The following CCDC7 variants were observed in gnomAD, a reference collection of about 807,000 sequenced individuals.
CCDC7 encodes the protein coiled-coil domain-containing protein 7.
CCDC7 carries 183 observed loss-of-function variants against 196.9 expected under a neutral mutation model. The ratio of observed to expected loss-of-function variants is 0.93; its 90% CI spans 0.82 to 1.05. The LOEUF (loss-of-function observed/expected upper bound fraction) is 1.05, where lower values mean the gene tolerates loss of function less well. Among genes scored for constraint, CCDC7 ranks in the 50% least tolerant of loss-of-function variants. The pLI, the probability that CCDC7 is intolerant of heterozygous loss-of-function variation, is 0.00. For synonymous variants in CCDC7, 525 were observed against 484.6 expected (o/e 1.08, Z -1.10); for missense variants, 1,540 against 1,482.2 (o/e 1.04, Z -0.64).
At chr10:32,769,633 C>T (rs1184827432) in intron 28 of CCDC7, among the ~76,000 whole-genome samples, 1 of 151,322 alleles carries the variant, frequency 6.6e-6, no homozygotes, top group Non-Finnish European at 1.5e-5. Context: ...CATCCCCAAG[C>T]CCCCCACCCC....
In CCDC7 at chr10:32,560,933, A is replaced by G. The variant is rs571444044; in HGVS notation, c.1135-4625A>G. On this transcript the variant is annotated intron_variant, in intron 13 of 41. Transcript: ENST00000639629. ...TGCTGTATTCAGGAAACCATCTCAC[A>G]TGCAGAGACACACAGGCTCAAAATA... 2.0e-5 allele frequency among the ~76,000 whole-genome samples: 3 copies of G among 152,280 alleles called. No homozygotes were observed. In the South Asian group the frequency reaches 6.2e-4, roughly 32 times the overall value.
At chr10:32,501,167 A>G (rs573495585) in intron 9 of CCDC7, among the ~76,000 whole-genome samples, 51 of 151,962 alleles carry the variant, frequency 3.4e-4, no homozygotes, top group Non-Finnish European at 1.0e-4. Flanking sequence ...CGCTTGATCA[A>G]TTTGGCTATT....
At chr10:32,798,037 G>T (rs2083977343) in intron 29 of CCDC7, among the ~76,000 whole-genome samples, 1 of 152,160 alleles carries the variant, frequency 6.6e-6, no homozygotes, top group Admixed American at 6.5e-5. Context: ...TTGGTCAGAG[G>T]CAATACTACG....
chr10:32,672,700 C>T (rs1051036035), intron 21 of CCDC7, among the ~76,000 whole-genome samples: 2 of 152,130 alleles, frequency 1.3e-5, no homozygotes, highest in African/African-American at 4.8e-5. Flanking sequence ...ATGGCTGATG[C>T]CCATAGCCTC....
intron 5 of CCDC7, among the ~76,000 whole-genome samples, chr10:32,465,664 C>T (rs1204108938): frequency 6.6e-6 from 1 of 152,084 alleles, no homozygotes; most frequent in Non-Finnish European, 1.5e-5. Flanking sequence ...AACTTTCTCC[C>T]TAGGCAGTCT....
chr10:32,768,264 T>C (rs2078634961), intron 28 of CCDC7, among the ~76,000 whole-genome samples: 1 of 152,158 alleles, frequency 6.6e-6, no homozygotes, highest in Admixed American at 6.6e-5. Context: ...TGGTTAAATA[T>C]ATTCCTAAGT....
At chr10:32,699,339 T>C (rs1048506582) in intron 24 of CCDC7, among the ~76,000 whole-genome samples, 2 of 151,784 alleles carry the variant, frequency 1.3e-5, no homozygotes, top group Non-Finnish European at 2.9e-5. Context: ...TTGCTGAGAA[T>C]GATGGTTTCC....
intron 39 of CCDC7, 110 bp downstream of exon 40, chr10:32,848,828 T>A (rs1254962840): frequency 1.1e-6 from 1 of 917,400 alleles, no homozygotes; most frequent in African/African-American, 1.7e-5. Flanking sequence ...TTCAGAAATA[T>A]CTTAGGAAAA....
intron 18 of CCDC7, among the ~76,000 whole-genome samples, chr10:32,589,503 C>T (rs1005501788): frequency 1.3e-5 from 2 of 152,072 alleles, no homozygotes; most frequent in South Asian, 2.1e-4. Context: ...GAGAATACTC[C>T]GTGTGCTGAG....
At chr10:32,544,380 C>A in intron 13 of CCDC7, 79 bp downstream of exon 14, 2 of 1,421,180 alleles carry the variant, frequency 1.4e-6, no homozygotes, top group Non-Finnish European at 1.9e-6. Context: ...AACATTATTA[C>A]GTATGTGATT....
At chr10:32,858,977 T>A (rs1278270857) in intron 41 of CCDC7, among the ~76,000 whole-genome samples, 1 of 152,106 alleles carries the variant, frequency 6.6e-6, no homozygotes, top group African/African-American at 2.4e-5. Context: ...TGGGAGACTT[T>A]AACAACCCCG....
At chr10:32,739,815 G>A (rs73261284) in intron 28 of CCDC7, among the ~76,000 whole-genome samples, 8,060 of 151,590 alleles carry the variant, frequency 0.053, 717 homozygotes, top group African/African-American at 0.18. Flanking sequence ...TGAAATTGTA[G>A]GTATCAAATG....
chr10:32,667,242 T>C (rs150962598), intron 21 of CCDC7, among the ~76,000 whole-genome samples: 7,976 of 152,236 alleles, frequency 0.052, 712 homozygotes, highest in African/African-American at 0.18. Flanking sequence ...TAAATTTGTT[T>C]AAGTTCTTTG....
At chr10:32,730,839 A>G (rs536212277) in intron 28 of CCDC7, among the ~76,000 whole-genome samples, 47 of 152,154 alleles carry the variant, frequency 3.1e-4, no homozygotes, top group African/African-American at 1.1e-3. Context: ...TAGAAAGAAG[A>G]GATTCCATAG....
At chr10:32,623,677 TTA>T in intron 18 of CCDC7, 1 of 464,098 alleles carries the variant, frequency 2.2e-6, no homozygotes, top group South Asian at 1.6e-5. Context: ...GCTGGGTTAT[TTA>T]TAAGGAAAAG....
In CCDC7 at chr10:32,773,602, A is replaced by G. The variant is rs540256913; in HGVS notation, c.2906-5375A>G. Among the ~76,000 whole-genome samples the G allele has an allele frequency of 7.2e-5, 11 of 151,824 alleles. No homozygotes were observed. In the South Asian group the frequency reaches 1.7e-3, roughly 23 times the overall value. On this transcript the variant is annotated intron_variant, in intron 28 of 41. Coordinates refer to ENST00000639629, the Ensembl canonical transcript of CCDC7. ...AAATTTCATTTAGTTTTCTATCTGT[A>G]TTTTTTTGTAATTCCTTTAACTTTT...
At chr10:32,692,463 ATGAT>A (rs1430865382) in intron 23 of CCDC7, among the ~76,000 whole-genome samples, 1 of 152,180 alleles carries the variant, frequency 6.6e-6, no homozygotes, top group Non-Finnish European at 1.5e-5. Context: ...TTTCTAAGAG[ATGAT>A]TGATTGACAT....
intron 9 of CCDC7, among the ~76,000 whole-genome samples, chr10:32,515,702 C>A (rs1241732315): frequency 6.6e-6 from 1 of 150,592 alleles, no homozygotes; most frequent in African/African-American, 2.4e-5. Flanking sequence ...TGCCACCACA[C>A]CCGGCTAATT....
chr10:32,498,327 CTT>C (rs1439843065), intron 9 of CCDC7, among the ~76,000 whole-genome samples: 7 of 152,066 alleles, frequency 4.6e-5, no homozygotes, highest in African/African-American at 1.7e-4. Flanking sequence ...GGTCTTTACT[CTT>C]TGTCCAATTT....
Sources: allele counts gnomAD v4.1 joint callset (sites outside exome capture counted in the v4.1 genomes callset), GRCh38; gene constraint gnomAD v4.1.1; transcripts MANE v1.5; gene names NCBI Gene and HGNC (gene_info 2026-07-23, HGNC 2026-07-21).